The following WDR27 variants were observed in gnomAD, a reference collection of about 807,000 sequenced individuals.
The protein encoded by WDR27 is WD repeat-containing protein 27.
In WDR27, 100 loss-of-function variants were observed where a neutral mutation model predicts 114.4. That is an observed-to-expected ratio of 0.87 (90% CI 0.74 to 1.03). The LOEUF is 1.03. WDR27 is among the 50% of genes least tolerant of loss of function. The pLI is 0.00. For synonymous variants in WDR27, 449 were observed against 423.1 expected (o/e 1.06, Z -0.75); for missense variants, 1,129 against 1,092.9 (o/e 1.03, Z -0.47).
chr6:169,503,106 A>G (rs1351104397), intron 25 of WDR27, among the ~76,000 whole-genome samples: 1 of 152,074 alleles, frequency 6.6e-6, no homozygotes, highest in Non-Finnish European at 1.5e-5. Context: ...CAAGCAAGAC[A>G]CCCTCTGCCA....
chr6:169,531,397 C>T (rs941181751), intron 25 of WDR27, among the ~76,000 whole-genome samples: 16 of 152,184 alleles, frequency 1.1e-4, no homozygotes, highest in African/African-American at 3.9e-4. Flanking sequence ...GGAGCAAACA[C>T]TGCTTCCAAT....
chr6:169,607,067 T>C (rs1040985825), intron 22 of WDR27, among the ~76,000 whole-genome samples: 1 of 152,160 alleles, frequency 6.6e-6, no homozygotes, highest in African/African-American at 2.4e-5. Context: ...GAATGGCTAT[T>C]ACTAAAAAAG....
At position 169,593,852 on chromosome 6, in the gene WDR27, AAAAC is replaced by A. The variant is rs150266215; in HGVS notation, c.2424+8363_2424+8366del. 7.5e-4 allele frequency among the ~76,000 whole-genome samples: 101 copies of A among 135,140 alleles called. 2 individuals are homozygous for A. Among genetic ancestry groups the A allele is most frequent in the Admixed American group, 1.3e-3 (16 of 11,974 alleles). The allele number at this position is 135,140 out of a possible 152,430, so 88.7% of individuals were successfully genotyped here. On this transcript the variant is annotated intron_variant, in intron 23 of 25. Coordinates refer to ENST00000448612, the MANE Select transcript of WDR27 (RefSeq NM_182552.5). ...CAACAGAGCAAGACTCTGTCTCAAA[AAAAC>A]AAACAAACAAACAAACAAACAAAAA...
chr6:169,621,024 A>C (rs140197771), intron 21 of WDR27, among the ~76,000 whole-genome samples: 42 of 152,304 alleles, frequency 2.8e-4, no homozygotes, highest in African/African-American at 8.4e-4. Flanking sequence ...TCTTGAGCAC[A>C]AGGACTTTGC....
chr6:169,690,509 T>A (rs968539118), intron 1 of WDR27, among the ~76,000 whole-genome samples: 1 of 152,204 alleles, frequency 6.6e-6, no homozygotes, highest in Non-Finnish European at 1.5e-5. Flanking sequence ...TCTCCAGGTC[T>A]CAGCAGAGGC....
At chr6:169,644,361 T>C (rs368412157) in intron 16 of WDR27, among the ~76,000 whole-genome samples, 46 of 113,196 alleles carry the variant, frequency 4.1e-4, no homozygotes, top group African/African-American at 7.6e-4. Flanking sequence ...GCCTAGTTCA[T>C]ACGAGTCACA....
intron 25 of WDR27, among the ~76,000 whole-genome samples, chr6:169,478,959 G>A (rs28656798): frequency 0.013 from 1,991 of 152,214 alleles, 42 homozygotes; most frequent in African/African-American, 0.041. Flanking sequence ...TTAAAATCCT[G>A]AAAGACAACC....
intron 25 of WDR27, among the ~76,000 whole-genome samples, chr6:169,509,407 G>A (rs1044008893): frequency 5.9e-5 from 9 of 152,282 alleles, no homozygotes; most frequent in African/African-American, 2.2e-4. Context: ...AACCAAAACA[G>A]CATGGTACTG....
chr6:169,561,546 C>A (rs1022032304), intron 25 of WDR27, among the ~76,000 whole-genome samples: 1 of 150,968 alleles, frequency 6.6e-6, no homozygotes, highest in African/African-American at 2.4e-5. Context: ...AAAGAAACCT[C>A]AAATTAACTA....
At chr6:169,699,486 C>G (rs992296072) in intron 1 of WDR27, among the ~76,000 whole-genome samples, 1 of 152,196 alleles carries the variant, frequency 6.6e-6, no homozygotes, top group African/African-American at 2.4e-5. Context: ...AGACCAGAAG[C>G]TGCTGTGCTC....
chr6:169,437,993 C>A, the WDR27 span, among the ~76,000 whole-genome samples: 1 of 151,902 alleles, frequency 6.6e-6, no homozygotes, highest in Admixed American at 6.6e-5. Context: ...GGGTTTGGAT[C>A]CCATCACCTG....
intron 25 of WDR27, among the ~76,000 whole-genome samples, chr6:169,521,852 A>C (rs1794424416): frequency 6.6e-6 from 1 of 152,046 alleles, no homozygotes; most frequent in Non-Finnish European, 1.5e-5. Context: ...AGAGGAAATC[A>C]CTTAAACACA....
chr6:169,534,964 T>C (rs1796045313), intron 25 of WDR27, among the ~76,000 whole-genome samples: 1 of 104,370 alleles, frequency 9.6e-6, no homozygotes, highest in Non-Finnish European at 2.5e-5. Context: ...ATTTAAGGTA[T>C]AATTTTACAA....
intron 17 of WDR27, among the ~76,000 whole-genome samples, chr6:169,642,629 C>T (rs758245395): frequency 6.6e-5 from 10 of 152,156 alleles, no homozygotes; most frequent in Non-Finnish European, 1.2e-4. Context: ...CAGCTTTGCT[C>T]ATGCAGGAGC....
chr6:169,697,647 A>G (rs1175155977), intron 1 of WDR27, among the ~76,000 whole-genome samples: 1 of 152,178 alleles, frequency 6.6e-6, no homozygotes, highest in African/African-American at 2.4e-5. Context: ...GAAAGTACTA[A>G]AAGTCTCTAA....
intron 15 of WDR27, 86 bp from the exon 16 acceptor site, chr6:169,647,956 T>TC: frequency 4.5e-6 from 4 of 880,558 alleles, no homozygotes; most frequent in East Asian, 2.9e-5. Context: ...GAAGTGGGCT[T>TC]CCCCCCATCT....
chr6:169,547,349 C>G (rs1453865994), intron 25 of WDR27, among the ~76,000 whole-genome samples: 1 of 151,828 alleles, frequency 6.6e-6, no homozygotes, highest in Non-Finnish European at 1.5e-5. Flanking sequence ...ACAAAAAAAC[C>G]AAGGACAGTA....
intron 23 of WDR27, among the ~76,000 whole-genome samples, chr6:169,589,357 A>G (rs1272381039): frequency 6.6e-6 from 1 of 152,156 alleles, no homozygotes; most frequent in Non-Finnish European, 1.5e-5. Flanking sequence ...TGAAGAAAAC[A>G]CTTATTGCCC....
intron 22 of WDR27, among the ~76,000 whole-genome samples, chr6:169,604,801 T>C (rs531827450): frequency 2.8e-4 from 42 of 152,022 alleles, no homozygotes; most frequent in Admixed American, 2.4e-3. Context: ...CATACAATAA[T>C]CAATAAATGT....
Sources: gnomAD v4.1 joint callset for allele counts (sites outside exome capture counted in the v4.1 genomes callset) on GRCh38, gnomAD v4.1.1 for gene constraint, MANE v1.5 for transcripts, NCBI Gene and HGNC (gene_info 2026-07-23, HGNC 2026-07-21) for gene names.